Variants in AGO3 observed in about 807,000 individuals in gnomAD.
AGO3 encodes the protein protein argonaute-3.
AGO3 carries 16 observed loss-of-function variants against 105.5 expected under a neutral mutation model. That is an observed-to-expected ratio of 0.15 (90% CI 0.10 to 0.23). The LOEUF (loss-of-function observed/expected upper bound fraction) is 0.23. Ranked by LOEUF, AGO3 falls within the 10% of genes least tolerant of loss-of-function variation. The probability of loss-of-function intolerance (pLI) is 1.00; values close to 1 mark genes in which losing one functional copy is unlikely to be tolerated. For missense variants in AGO3, 534 were observed against 1,088.0 expected (o/e 0.49, Z 7.16); for synonymous variants, 340 against 367.3 (o/e 0.93, Z 0.85).
chr1:35,962,207 G>T (rs1646688613), intron 2 of AGO3, among the ~76,000 whole-genome samples: 1 of 152,082 alleles, frequency 6.6e-6, no homozygotes, highest in Non-Finnish European at 1.5e-5. Context: ...CTTAGAAAAA[G>T]TAGGGAAACT....
chr1:36,007,525 C>A (rs1265199281), intron 6 of AGO3, among the ~76,000 whole-genome samples: 2 of 152,048 alleles, frequency 1.3e-5, no homozygotes, highest in African/African-American at 4.8e-5. Context: ...GGCGAAACCC[C>A]ATCTCTACTA....
Position 36,027,814 on chromosome 1 carries a change from G to A in AGO3, c.1591+516G>A, listed in dbSNP as rs941956380. Reference sequence around the variant, plus strand: ...AAAAAGGGTTTCAGTAGTGAAAAGAGGCATTACATAACAATGGCTAAAGAA... The same window carrying A: ...AAAAAGGGTTTCAGTAGTGAAAAGAAGCATTACATAACAATGGCTAAAGAA... On this transcript the variant is annotated intron_variant, in intron 12 of 18. Coordinates refer to ENST00000373191, the MANE Select transcript of AGO3 (RefSeq NM_024852.4). This position sits in a 1 kb window ranked among gnomAD's most constrained non-coding sequence, Gnocchi z 4.0. Among the ~76,000 whole-genome samples the A allele has an allele frequency of 1.3e-5, 2 of 151,750 alleles. No homozygotes were observed. Among genetic ancestry groups the A allele is most frequent in the East Asian group, 1.9e-4 (1 of 5,178 alleles).
chr1:35,968,822 G>A (rs749754170), intron 3 of AGO3, among the ~76,000 whole-genome samples: 11 of 151,922 alleles, frequency 7.2e-5, no homozygotes, highest in Non-Finnish European at 1.5e-4. Flanking sequence ...TTCCAGAATG[G>A]CTCCATCATT....
At chr1:36,049,193 T>C (rs1335420868) in intron 17 of AGO3, among the ~76,000 whole-genome samples, 1 of 152,104 alleles carries the variant, frequency 6.6e-6, no homozygotes, top group East Asian at 1.9e-4. Context: ...CACTGTGGAC[T>C]ACTAGAGAGG....
rs1215851562 is a variant in AGO3, at chr1:36,069,127, AG to A, written c.*13385del. 6.6e-6 allele frequency: 1 copy of A among 152,248 alleles called. No homozygotes were observed. The allele number at this position is 152,248 out of a possible 1,614,324, so 9.4% of individuals were successfully genotyped here. On this transcript the variant is annotated 3_prime_UTR_variant, in exon 19 of 19. Coordinates refer to ENST00000373191, the MANE Select transcript of AGO3 (RefSeq NM_024852.4). ...TGTTGGAGTTCTTTTGTTCTGAGTC[AG>A]GGTCTCACTCTGTTGCCCAGGCTGA...
chr1:35,988,771 T>G (rs946528665), intron 5 of AGO3, among the ~76,000 whole-genome samples: 2 of 152,138 alleles, frequency 1.3e-5, no homozygotes, highest in Admixed American at 1.3e-4. Flanking sequence ...AGATAGTGAT[T>G]TTATTTACTT....
intron 5 of AGO3, among the ~76,000 whole-genome samples, chr1:35,995,199 TA>T (rs1295296314): frequency 0.015 from 1,657 of 110,568 alleles, 18 homozygotes; most frequent in Non-Finnish European, 0.019. Context: ...AGACACTGTC[TA>T]AAAAAAAAAA....
Position 36,057,887 on chromosome 1 carries a change from T to C in AGO3, c.*2142T>C, listed in dbSNP as rs1452992753. On this transcript the variant is annotated 3_prime_UTR_variant, in exon 19 of 19. Transcript: ENST00000373191. The stretch of plus-strand genomic sequence containing the variant: ...AGCTACTCGGGAGGCTGAGGCAGGA[T>C]TGCTTGAACCTAGGAGGCGGAAGTT... The C allele has an allele frequency of 3.3e-5, 5 of 151,936 alleles. No homozygotes were observed. Among genetic ancestry groups the C allele is most frequent in the African/African-American group, 1.2e-4 (5 of 41,332 alleles). The allele number at this position is 151,936 out of a possible 1,614,324, so 9.4% of individuals were successfully genotyped here. A position where few individuals can be genotyped will look rare whatever the true frequency, so the allele number is the denominator to read the frequency against.
intron 5 of AGO3, among the ~76,000 whole-genome samples, chr1:36,001,745 A>G (rs922042000): frequency 9.2e-5 from 14 of 152,080 alleles, no homozygotes; most frequent in African/African-American, 3.4e-4. Context: ...TGTTTTTTTA[A>G]TCACCTTTCT....
chr1:35,932,210 A>C (rs1208455820), intron 1 of AGO3, among the ~76,000 whole-genome samples: 1 of 152,214 alleles, frequency 6.6e-6, no homozygotes, highest in Admixed American at 6.5e-5. Flanking sequence ...AAAAAAGGAA[A>C]AGTATTGTTT....
intron 17 of AGO3, among the ~76,000 whole-genome samples, chr1:36,044,397 TG>T (rs138964306): frequency 4.6e-4 from 69 of 150,472 alleles, no homozygotes; most frequent in South Asian, 1.9e-3. Context: ...AGTTTTTTTT[TG>T]TTGTTGTTGT....
chr1:36,002,376 G>A (rs1019460287), intron 5 of AGO3, among the ~76,000 whole-genome samples: 8 of 143,066 alleles, frequency 5.6e-5, no homozygotes, highest in Non-Finnish European at 1.1e-4. Context: ...GTCACCCAGG[G>A]TGGAGTGCAG....
upstream of AGO3, chr1:35,930,941 C>T (rs1276846843): frequency 6.7e-6 from 2 of 298,084 alleles, no homozygotes; most frequent in South Asian, 3.2e-4. Flanking sequence ...GCCGAGCCCG[C>T]CGCATGTGGC....
chr1:36,009,700 C>T, intron 9 of AGO3, 106 bp downstream of exon 9: 1 of 1,155,170 alleles, frequency 8.7e-7, no homozygotes, highest in Non-Finnish European at 1.2e-6. Context: ...ATTTCATGGA[C>T]TGTCAGAATT....
chr1:35,949,218 C>T (rs922610670), intron 2 of AGO3, among the ~76,000 whole-genome samples: 11 of 152,252 alleles, frequency 7.2e-5, no homozygotes, highest in Non-Finnish European at 1.5e-4. Flanking sequence ...GCTGGGATTA[C>T]AGGCGTGAGC....
chr1:36,054,084 A>G (rs1355105566), intron 17 of AGO3, among the ~76,000 whole-genome samples: 1 of 151,546 alleles, frequency 6.6e-6, no homozygotes, highest in Non-Finnish European at 1.5e-5. Flanking sequence ...CTGTCCTCCC[A>G]CCTCAGCCTC....
intron 2 of AGO3, among the ~76,000 whole-genome samples, chr1:35,952,049 C>T (rs1205463719): frequency 2.0e-5 from 3 of 152,070 alleles, no homozygotes; most frequent in Non-Finnish European, 4.4e-5. Context: ...TAGTCCCTCC[C>T]CACAGTCCTT....
At position 36,060,116 on chromosome 1, in the gene AGO3, G is replaced by A. The variant is rs926829699; in HGVS notation, c.*4371G>A. The A allele has an allele frequency of 1.1e-4, 17 of 152,178 alleles. No individual in the cohort carries two copies. The highest frequency in any genetic ancestry group is 2.2e-4 in the Non-Finnish European group (15 of 68,048). 9.4% of individuals were successfully genotyped at this position (152,178 alleles called of 1,614,324 possible). ...GGGATTCTAGTAGGAATTACTGAGT[G>A]TTTTGGAAGGCACTTGATAGAGGCA... On this transcript the variant is annotated 3_prime_UTR_variant, in exon 19 of 19. Transcript: ENST00000373191.
intron 5 of AGO3, among the ~76,000 whole-genome samples, chr1:35,997,702 C>T (rs999065923): frequency 2.0e-5 from 3 of 151,990 alleles, no homozygotes; most frequent in Non-Finnish European, 2.9e-5. Context: ...TCTGTATTCT[C>T]TGGGGTTTAT....
Sources: gnomAD v4.1 joint callset for allele counts (sites outside exome capture counted in the v4.1 genomes callset) on GRCh38, gnomAD v4.1.1 for gene constraint, Gnocchi (gnomAD v3.1) non-coding constraint, MANE v1.5 for transcripts, NCBI Gene and HGNC (gene_info 2026-07-23, HGNC 2026-07-21) for gene names.